LARGE1: variants seen among roughly 807,000 people sequenced by gnomAD.
LARGE1 encodes the protein xylosyl- and glucuronyltransferase LARGE1.
A neutral mutation model predicts 87.6 loss-of-function variants in LARGE1; 43 were observed. That is an observed-to-expected ratio of 0.49 (90% CI 0.38 to 0.63). The LOEUF is 0.63. LARGE1 is among the 30% of genes least tolerant of loss of function. The pLI is 0.00. For missense variants in LARGE1, 802 were observed against 1,000.2 expected, an observed-to-expected ratio of 0.80 and a Z score of 2.67; for synonymous variants, 434 against 394.6, an observed-to-expected ratio of 1.10 and a Z score of -1.18.
chr22:33,225,364 T>C (rs1227191771), intron 11 of LARGE1, among the ~76,000 whole-genome samples: 2 of 152,200 alleles, frequency 1.3e-5, no homozygotes, highest in African/African-American at 4.8e-5. Context: ...AGATCAATGA[T>C]TGAGCATTTA....
At position 33,373,929 on chromosome 22, in the gene LARGE1, G is replaced by A. The variant is rs557426356; in HGVS notation, c.1131+7990C>T. On this transcript the variant is annotated intron_variant, in intron 9 of 14. Transcript: ENST00000397394. The stretch of plus-strand genomic sequence containing the variant: ...GTGGAGGTTGCAGTCAGCCGATATC[G>A]CGCCATTGCACTCCAGCCTGGGGAT... 9.4e-4 allele frequency among the ~76,000 whole-genome samples: 127 copies of A among 135,146 alleles called. 1 individual carries two copies. Among genetic ancestry groups the A allele is most frequent in the African/African-American group, 3.6e-3 (119 of 33,326 alleles). 88.7% of individuals were successfully genotyped at this position (135,146 alleles called of 152,430 possible).
chr22:33,456,248 C>G (rs1272547159), intron 6 of LARGE1, among the ~76,000 whole-genome samples: 1 of 152,070 alleles, frequency 6.6e-6, no homozygotes, highest in Non-Finnish European at 1.5e-5. Context: ...CTGTGGCTGC[C>G]AATTATTGCA....
chr22:33,151,568 C>T, the LARGE1 span, among the ~76,000 whole-genome samples: 1 of 152,074 alleles, frequency 6.6e-6, no homozygotes, highest in African/African-American at 2.4e-5. Context: ...ATGATACTAG[C>T]TATTGTCTTT....
At chr22:33,789,976 G>T (rs2085771554) in intron 1 of LARGE1, among the ~76,000 whole-genome samples, 1 of 152,114 alleles carries the variant, frequency 6.6e-6, no homozygotes. Context: ...GGCATAATTG[G>T]TTTTGAAATG....
chr22:33,898,678 C>T (rs147978533), intron 1 of LARGE1, among the ~76,000 whole-genome samples: 1,900 of 152,300 alleles, frequency 0.012, 30 homozygotes, highest in African/African-American at 0.044. Flanking sequence ...CGCTTGAACC[C>T]GGGAGGTGGA....
chr22:33,475,706 G>T (rs980106782), intron 6 of LARGE1, among the ~76,000 whole-genome samples: 2 of 151,898 alleles, frequency 1.3e-5, no homozygotes, highest in Non-Finnish European at 1.5e-5. Context: ...CAGTTGATCT[G>T]CCCCGCCTCA....
rs1265528111 is a variant in LARGE1, at chr22:33,737,484, C to A, written c.106+23887G>T. The stretch of plus-strand genomic sequence containing the variant: ...CTAATATTAATTACTACACACCTGG[C>A]TCTATTTTTGTGCTTTAGGTGCATT... On this transcript the variant is annotated intron_variant, in intron 2 of 14. Transcript: ENST00000397394. 5 of 152,300 alleles carry A rather than the reference C, an allele frequency of 3.3e-5. 1 individual carries two copies. The highest frequency in any genetic ancestry group is 3.4e-3 in the Middle Eastern group (1 of 294). The allele number at this position is 152,300 out of a possible 1,614,324, so 9.4% of individuals were successfully genotyped here.
intron 1 of LARGE1, among the ~76,000 whole-genome samples, chr22:33,774,748 G>A (rs1057288602): frequency 3.9e-5 from 6 of 152,154 alleles, no homozygotes; most frequent in Non-Finnish European, 7.3e-5. Context: ...CTAATGAGGC[G>A]CTTTAGTTCT....
At chr22:33,403,123 T>C (rs966254324) in intron 7 of LARGE1, among the ~76,000 whole-genome samples, 19 of 152,176 alleles carry the variant, frequency 1.2e-4, no homozygotes, top group African/African-American at 4.3e-4. Flanking sequence ...GCTGCAGTTA[T>C]TGTAGGTGCT....
chr22:33,904,618 G>C (rs1471741545), intron 1 of LARGE1, among the ~76,000 whole-genome samples: 3 of 152,220 alleles, frequency 2.0e-5, no homozygotes, highest in Non-Finnish European at 4.4e-5. Context: ...TGGGGCAGTA[G>C]AGTCGGTGAC....
chr22:33,512,664 G>C (rs1485616288), intron 6 of LARGE1, among the ~76,000 whole-genome samples: 1 of 152,162 alleles, frequency 6.6e-6, no homozygotes, highest in African/African-American at 2.4e-5. Flanking sequence ...TTAGCCGGGA[G>C]TGGTGGCAGG....
At chr22:33,614,814 C>T (rs911906540) in intron 4 of LARGE1, among the ~76,000 whole-genome samples, 3 of 151,310 alleles carry the variant, frequency 2.0e-5, no homozygotes, top group African/African-American at 4.9e-5. Context: ...TGGAGGATAG[C>T]GCTTCTCCAG....
intron 11 of LARGE1, among the ~76,000 whole-genome samples, chr22:33,178,424 C>T (rs967831674): frequency 1.3e-5 from 2 of 152,132 alleles, no homozygotes; most frequent in East Asian, 3.9e-4. Context: ...AGGTGATACT[C>T]ATGAAGAAAG....
At chr22:33,298,990 C>T (rs939483777) in intron 12 of LARGE1, among the ~76,000 whole-genome samples, 2 of 152,060 alleles carry the variant, frequency 1.3e-5, no homozygotes, top group Non-Finnish European at 2.9e-5. Flanking sequence ...GGGCGGATCA[C>T]TTGAGACTAG....
chr22:33,191,120 C>T (rs990069148), intron 11 of LARGE1, among the ~76,000 whole-genome samples: 1 of 152,094 alleles, frequency 6.6e-6, no homozygotes, highest in Non-Finnish European at 1.5e-5. Context: ...TGTATGTTTG[C>T]TGAATGAATT....
intron 1 of LARGE1, among the ~76,000 whole-genome samples, chr22:33,792,959 T>C (rs57936677): frequency 0.02 from 3,121 of 152,266 alleles, 117 homozygotes; most frequent in African/African-American, 0.072. Context: ...CTAGACCAAG[T>C]ACCATCTCCT....
the LARGE1 span, among the ~76,000 whole-genome samples, chr22:33,147,599 C>T: frequency 7.9e-5 from 12 of 152,032 alleles, no homozygotes; most frequent in African/African-American, 2.2e-4. Context: ...CTAGGTCTCG[C>T]GATTATAGCT....
At chr22:33,813,254 G>GAAA (rs5845112) in intron 1 of LARGE1, among the ~76,000 whole-genome samples, 1 of 114,498 alleles carries the variant, frequency 8.7e-6, no homozygotes. Flanking sequence ...TCCGTCTCAA[G>GAAA]AAAAAAAAAA....
intron 9 of LARGE1, among the ~76,000 whole-genome samples, chr22:33,338,864 G>C (rs1310368219): frequency 6.6e-6 from 1 of 152,086 alleles, no homozygotes; most frequent in Non-Finnish European, 1.5e-5. Context: ...GAATAAATGA[G>C]AGGCCGGGTG....
Sources: gnomAD v4.1 joint callset for allele counts (sites outside exome capture counted in the v4.1 genomes callset) on GRCh38, gnomAD v4.1.1 for gene constraint, MANE v1.5 for transcripts, NCBI Gene and HGNC (gene_info 2026-07-23, HGNC 2026-07-21) for gene names.